Variants in TRPC5 observed in about 807,000 individuals in gnomAD.
The protein encoded by TRPC5 is transient receptor potential cation channel subfamily C member 5.
A neutral mutation model predicts 56.5 loss-of-function variants in TRPC5; 9 were observed. The ratio of observed to expected loss-of-function variants is 0.16; its 90% CI spans 0.10 to 0.28. The LOEUF is 0.28. TRPC5 is among the 10% of genes least tolerant of loss of function. The pLI, the probability that TRPC5 is intolerant of heterozygous loss-of-function variation, is 1.00. For synonymous variants in TRPC5, 282 were observed against 278.5 expected, an observed-to-expected ratio of 1.01 and a Z score of -0.13; for missense variants, 469 against 748.9, an observed-to-expected ratio of 0.63 and a Z score of 4.36.
At chrX:111,969,198 C>A (rs914609896) in intron 1 of TRPC5, among the ~76,000 whole-genome samples, 2 of 110,563 alleles carry the variant, frequency 1.8e-5, no homozygotes, top group Non-Finnish European at 3.8e-5. Context: ...CTCAGATAAT[C>A]GTTAACATTT....
chrX:112,054,712 A>G (rs1384045972), intron 1 of TRPC5, among the ~76,000 whole-genome samples: 1 of 111,328 alleles, frequency 9.0e-6, no homozygotes, highest in East Asian at 2.8e-4. Flanking sequence ...TTTAAAGCCT[A>G]TAGAACATAA....
At chrX:111,831,562 A>C (rs916025386) in intron 7 of TRPC5, among the ~76,000 whole-genome samples, 42 of 112,076 alleles carry the variant, frequency 3.7e-4, no homozygotes, top group African/African-American at 1.3e-3. Flanking sequence ...TCCATTCATC[A>C]TCTGGGCCTC....
rs1478600779 is a variant in TRPC5, at chrX:111,906,189, T to C, written c.900+6102A>G. On this transcript the variant is annotated intron_variant, in intron 3 of 10. Coordinates refer to ENST00000262839, the MANE Select transcript of TRPC5 (RefSeq NM_012471.3). ...GGGCAACATGGTGAAACCCCATCTC[T>C]ACTAAAATACAAAAAAATCAGCCGG... Among the ~76,000 whole-genome samples, 31 of 108,009 alleles carry C rather than the reference T, an allele frequency of 2.9e-4. No individual in the cohort carries two copies. The Admixed American group carries it at 3.1e-3, about 11-fold the overall frequency. The allele number at this position is 108,009 out of a possible 115,157, so 93.8% of individuals were successfully genotyped here. A position where few individuals can be genotyped will look rare whatever the true frequency, so the allele number is the denominator to read the frequency against.
chrX:111,817,618 C>T (rs1269929370), intron 7 of TRPC5, among the ~76,000 whole-genome samples: 3 of 110,931 alleles, frequency 2.7e-5, no homozygotes, highest in African/African-American at 9.8e-5. Flanking sequence ...GCCACCGTGC[C>T]CGGCCTCTTT....
chrX:111,776,272 A>T lies in TRPC5; in HGVS notation c.*41T>A. 1.2e-5 allele frequency: 13 copies of T among 1,095,653 alleles called. No homozygotes were observed. The highest frequency in any genetic ancestry group is 1.4e-5 in the Non-Finnish European group (12 of 832,389). 90.3% of individuals were successfully genotyped at this position (1,095,653 alleles called of 1,213,427 possible). On this transcript the variant is annotated 3_prime_UTR_variant, in exon 11 of 11. Coordinates refer to ENST00000262839, the MANE Select transcript of TRPC5 (RefSeq NM_012471.3). The stretch of plus-strand genomic sequence containing the variant: ...TCACCTCTGAGAGCAAGGAAATTAC[A>T]GATTTCTGTTGAGTTCCAGAACAGA...
chrX:111,810,029 C>G (rs1416257852), intron 7 of TRPC5, among the ~76,000 whole-genome samples: 2 of 109,917 alleles, frequency 1.8e-5, no homozygotes, highest in East Asian at 5.7e-4. Context: ...ATTCTCCTGC[C>G]TCAGCATCCC....
At chrX:111,913,908 C>G in intron 2 of TRPC5, among the ~76,000 whole-genome samples, 1 of 104,294 alleles carries the variant, frequency 9.6e-6, no homozygotes, top group Admixed American at 1.1e-4. Flanking sequence ...GGCAGTGAGC[C>G]GAGATCACGC....
At chrX:111,829,915 A>G in intron 7 of TRPC5, among the ~76,000 whole-genome samples, 1 of 112,917 alleles carries the variant, frequency 8.9e-6, no homozygotes, top group Non-Finnish European at 1.9e-5. Flanking sequence ...CCATGAGAAT[A>G]GGCCACTGTC....
chrX:112,027,650 C>T (rs371194121), intron 1 of TRPC5, among the ~76,000 whole-genome samples: 1 of 111,069 alleles, frequency 9.0e-6, no homozygotes, highest in African/African-American at 3.3e-5. Flanking sequence ...GCGCCCGCCA[C>T]CACGCCTGGC....
chrX:112,045,381 C>G (rs1035393000), intron 1 of TRPC5, among the ~76,000 whole-genome samples: 1 of 111,509 alleles, frequency 9.0e-6, no homozygotes, highest in Admixed American at 9.5e-5. Context: ...AATGATTTTC[C>G]CCTAGAGCCT....
intron 2 of TRPC5, among the ~76,000 whole-genome samples, chrX:111,918,456 G>A (rs767921235): frequency 1.8e-5 from 2 of 110,865 alleles, no homozygotes; most frequent in Non-Finnish European, 3.8e-5. Flanking sequence ...TGAAGTCTTG[G>A]GTAAATTAGC....
At chrX:111,890,247 C>T (rs894777600) in intron 3 of TRPC5, among the ~76,000 whole-genome samples, 17 of 112,230 alleles carry the variant, frequency 1.5e-4, no homozygotes, top group Non-Finnish European at 3.2e-4. Context: ...GCAAGCTTGT[C>T]CAACCTGTGG....
intron 7 of TRPC5, among the ~76,000 whole-genome samples, chrX:111,812,850 A>T (rs1313831858): frequency 1.8e-5 from 2 of 112,594 alleles, no homozygotes; most frequent in Non-Finnish European, 3.8e-5. Context: ...TGACAAAATC[A>T]CTTGGTATAT....
At chrX:111,791,483 G>A (rs1487347695) in intron 7 of TRPC5, among the ~76,000 whole-genome samples, 1 of 111,978 alleles carries the variant, frequency 8.9e-6, no homozygotes, top group Non-Finnish European at 1.9e-5. Flanking sequence ...TGACCGTATT[G>A]AACTCTTTCC....
At chrX:111,987,310 A>G (rs1928236963) in intron 1 of TRPC5, among the ~76,000 whole-genome samples, 1 of 111,682 alleles carries the variant, frequency 9.0e-6, no homozygotes, top group Non-Finnish European at 1.9e-5. Flanking sequence ...TTAACATAAC[A>G]GTCATCTCAT....
chrX:111,852,456 C>T lies in TRPC5; in HGVS notation c.1238-19G>A, dbSNP rs781294726. The T allele has an allele frequency of 1.7e-6, 2 of 1,197,608 alleles. No individual in the cohort carries two copies. The highest frequency in any genetic ancestry group is 1.1e-6 in the Non-Finnish European group (1 of 888,678). ...ATGAAACCTGAAGAATGGAGGAAAACAGTTTATTTCTACATAGGGTCAGCC... is the reference window on the plus strand; with the variant it reads ...ATGAAACCTGAAGAATGGAGGAAAATAGTTTATTTCTACATAGGGTCAGCC... On this transcript the variant is annotated intron_variant, in intron 4 of 10. Transcript: ENST00000262839.
At chrX:111,855,961 C>T (rs1470525854) in intron 3 of TRPC5, among the ~76,000 whole-genome samples, 4 of 111,952 alleles carry the variant, frequency 3.6e-5, no homozygotes, top group African/African-American at 1.3e-4. Flanking sequence ...ATCTGGATTG[C>T]TTAGCGAAGG....
intron 2 of TRPC5, among the ~76,000 whole-genome samples, chrX:111,924,522 T>G (rs5985659): frequency 0.025 from 2,808 of 110,912 alleles, 101 homozygotes; most frequent in African/African-American, 0.087. Context: ...GAAGCAAAAT[T>G]CATGTTACAT....
At chrX:111,815,772 C>T (rs1013949664) in intron 7 of TRPC5, among the ~76,000 whole-genome samples, 7 of 110,404 alleles carry the variant, frequency 6.3e-5, no homozygotes, top group Non-Finnish European at 1.3e-4. Flanking sequence ...AAGCAGCTAA[C>T]CAGCAACTCT....
Sources: gnomAD v4.1 joint callset for allele counts (sites outside exome capture counted in the v4.1 genomes callset) on GRCh38, gnomAD v4.1.1 for gene constraint, MANE v1.5 for transcripts, NCBI Gene and HGNC (gene_info 2026-07-23, HGNC 2026-07-21) for gene names.